ANTXR1: variants seen among roughly 807,000 people sequenced by gnomAD.
ANTXR1 encodes the protein anthrax toxin receptor 1.
ANTXR1 carries 19 observed loss-of-function variants against 78.1 expected under a neutral mutation model. That is an observed-to-expected ratio of 0.24 (90% CI 0.17 to 0.36). The LOEUF (loss-of-function observed/expected upper bound fraction) is 0.36, where lower values mean the gene tolerates loss of function less well. ANTXR1 is among the 10% of genes least tolerant of loss of function. The pLI, the probability that ANTXR1 is intolerant of heterozygous loss-of-function variation, is 1.00. For synonymous variants in ANTXR1, 273 were observed against 260.5 expected (o/e 1.05, Z -0.46); for missense variants, 518 against 718.6 (o/e 0.72, Z 3.19).
At chr2:69,043,851 C>T (rs926418921) in intron 2 of ANTXR1, among the ~76,000 whole-genome samples, 1 of 152,060 alleles carries the variant, frequency 6.6e-6, no homozygotes, top group Admixed American at 6.5e-5. Flanking sequence ...AGCTAAGATA[C>T]GGGAAGTGAG....
intron 1 of ANTXR1, among the ~76,000 whole-genome samples, chr2:69,036,377 T>C (rs1669425716): frequency 6.6e-6 from 1 of 152,246 alleles, no homozygotes; most frequent in Non-Finnish European, 1.5e-5. Context: ...AATCCAATTA[T>C]ACTTTTTAAG....
chr2:69,181,287 G>A (rs1278589510), intron 14 of ANTXR1, among the ~76,000 whole-genome samples: 1 of 152,154 alleles, frequency 6.6e-6, no homozygotes, highest in Admixed American at 6.5e-5. Flanking sequence ...TGGCAAGTTG[G>A]GACAAGTTGG....
intron 12 of ANTXR1, among the ~76,000 whole-genome samples, chr2:69,125,194 G>A: frequency 6.6e-6 from 1 of 152,102 alleles, no homozygotes. Flanking sequence ...AGTGGGGAAG[G>A]AGCCCTTACA....
intron 9 of ANTXR1, among the ~76,000 whole-genome samples, chr2:69,094,207 G>A (rs935070792): frequency 4.6e-5 from 7 of 152,156 alleles, no homozygotes; most frequent in Admixed American, 1.3e-4. Flanking sequence ...AAGTATTTAC[G>A]TGAAAGTGCT....
At chr2:69,036,236 T>G (rs1018706557) in intron 1 of ANTXR1, among the ~76,000 whole-genome samples, 2 of 152,240 alleles carry the variant, frequency 1.3e-5, no homozygotes, top group Non-Finnish European at 2.9e-5. Context: ...TTTATTTCTA[T>G]GGGTACATAG....
chr2:69,074,672 A>G (rs1175878083), intron 6 of ANTXR1, among the ~76,000 whole-genome samples: 2 of 152,214 alleles, frequency 1.3e-5, no homozygotes, highest in African/African-American at 4.8e-5. Flanking sequence ...GAAATTTCTA[A>G]CATGAAGGAA....
chr2:69,086,381 A>G (rs191544586), intron 8 of ANTXR1, among the ~76,000 whole-genome samples: 9 of 152,340 alleles, frequency 5.9e-5, no homozygotes, highest in Non-Finnish European at 2.9e-5. Context: ...TTCACTTTAA[A>G]TATATCAAAC....
At chr2:69,077,633 C>A in intron 8 of ANTXR1, 145 bp downstream of exon 8, 2 of 858,892 alleles carry the variant, frequency 2.3e-6, no homozygotes, top group Admixed American at 1.9e-5. Context: ...GTGTCTGCCA[C>A]GTCCCATCTC....
intron 1 of ANTXR1, among the ~76,000 whole-genome samples, chr2:69,031,662 A>G (rs1671533605): frequency 6.6e-6 from 1 of 152,104 alleles, no homozygotes. Context: ...TGCCAGCCTA[A>G]GGCATGGATT....
intron 10 of ANTXR1, among the ~76,000 whole-genome samples, chr2:69,114,292 T>G (rs1573895111): frequency 1.3e-5 from 2 of 152,344 alleles, no homozygotes; most frequent in South Asian, 4.1e-4. Flanking sequence ...ACAACACATA[T>G]GGGTAGATAA....
intron 17 of ANTXR1, among the ~76,000 whole-genome samples, chr2:69,230,834 A>G (rs577832690): frequency 1.3e-5 from 2 of 152,162 alleles, no homozygotes; most frequent in South Asian, 4.1e-4. Flanking sequence ...GTTTGGGGGT[A>G]CATGTGAAGG....
intron 17 of ANTXR1, among the ~76,000 whole-genome samples, chr2:69,204,379 C>T (rs1674845580): frequency 6.6e-6 from 1 of 152,138 alleles, no homozygotes; most frequent in Non-Finnish European, 1.5e-5. Context: ...TCAACCTGAC[C>T]CTCAGTCTCG....
intron 4 of ANTXR1, among the ~76,000 whole-genome samples, 164 bp downstream of exon 4, chr2:69,070,892 A>G (rs892726046): frequency 2.0e-5 from 3 of 152,206 alleles, no homozygotes; most frequent in Non-Finnish European, 4.4e-5. Context: ...CACTCTAGCC[A>G]AAAGAACTAA....
intron 1 of ANTXR1, among the ~76,000 whole-genome samples, chr2:69,015,551 T>A (rs1671001191): frequency 6.6e-6 from 1 of 151,936 alleles, no homozygotes; most frequent in Non-Finnish European, 1.5e-5. Flanking sequence ...ACATGGAGAA[T>A]GAAAAAGGTT....
At chr2:69,026,527 A>G (rs1671349388) in intron 1 of ANTXR1, among the ~76,000 whole-genome samples, 1 of 152,214 alleles carries the variant, frequency 6.6e-6, no homozygotes, top group Non-Finnish European at 1.5e-5. Context: ...ATAATTATTC[A>G]TCTTTATATA....
At chr2:69,107,823 AT>A (rs1423000659) in intron 10 of ANTXR1, among the ~76,000 whole-genome samples, 1 of 147,992 alleles carries the variant, frequency 6.8e-6, no homozygotes, top group Non-Finnish European at 1.5e-5. Context: ...TTAAAAATAT[AT>A]TTCTAGTAAA....
intron 12 of ANTXR1, chr2:69,145,374 T>G (rs1044003787): frequency 5.0e-6 from 8 of 1,597,556 alleles, no homozygotes; most frequent in African/African-American, 2.7e-5. Flanking sequence ...TTGCATGGAA[T>G]AGCAGAGAAT....
chr2:69,016,892 CT>C (rs1467462880), intron 1 of ANTXR1, among the ~76,000 whole-genome samples: 2 of 152,156 alleles, frequency 1.3e-5, no homozygotes, highest in African/African-American at 4.8e-5. Flanking sequence ...GTAAAGGATG[CT>C]GCTGCTTTTA....
chr2:69,189,866 T>C (rs924694487), intron 16 of ANTXR1, among the ~76,000 whole-genome samples: 1 of 152,134 alleles, frequency 6.6e-6, no homozygotes, highest in Admixed American at 6.5e-5. Flanking sequence ...TTTATAATGT[T>C]TGACTTTTTG....
Sources: allele counts gnomAD v4.1 joint callset (sites outside exome capture counted in the v4.1 genomes callset), GRCh38; gene constraint gnomAD v4.1.1; transcripts MANE v1.5; gene names NCBI Gene and HGNC (gene_info 2026-07-23, HGNC 2026-07-21).